DNAH17: variants seen among roughly 807,000 people sequenced by gnomAD.
DNAH17 encodes axonemal beta dynein heavy chain 17.
A neutral mutation model predicts 485.6 loss-of-function variants in DNAH17; 376 were observed. That is an observed-to-expected ratio of 0.77 (90% CI 0.71 to 0.84). The LOEUF is 0.84. DNAH17 is among the 40% of genes least tolerant of loss of function. DNAH17 has a pLI of 0.00. For synonymous variants in DNAH17, 3,031 were observed against 2,405.9 expected (o/e 1.26, Z -7.60); for missense variants, 6,370 against 5,839.3 (o/e 1.09, Z -2.96).
chr17:78,453,480 C>T lies in DNAH17; in HGVS notation c.10407-15G>A, dbSNP rs374456851. On this transcript the variant is annotated splice_polypyrimidine_tract_variant and intron_variant, in intron 64 of 80. Coordinates refer to ENST00000389840, the MANE Select transcript of DNAH17 (RefSeq NM_173628.4). ...CATCCAGGTAGCTGCGGGCACAACA[C>T]GGAAGCTGGTTCATGGCAGAGGGCC... is the stretch of plus-strand genomic sequence containing the variant. 2.4e-5 allele frequency: 39 copies of T among 1,613,536 alleles called. No individual in the cohort carries two copies. The highest frequency in any genetic ancestry group is 1.5e-4 in the African/African-American group (11 of 75,052).
At chr17:78,465,825 CCCGGCCAGCCGCCCCGT>C (rs906725790) in intron 56 of DNAH17, among the ~76,000 whole-genome samples, 1 of 148,790 alleles carries the variant, frequency 6.7e-6, no homozygotes, top group African/African-American at 2.5e-5. Context: ...CAGCCCCCCG[CCCGGCCAGCCGCCCCGT>C]CCGGGAGGTG....
Position 78,512,622 on chromosome 17 carries a change from G to A in DNAH17, c.4114-2116C>T, listed in dbSNP as rs143065440. ...AATAAATTTGCCAAGGAGTCCCACCGCCCCCTCTACCAAGAATGATAGAAG... is the reference window on the plus strand; with the variant it reads ...AATAAATTTGCCAAGGAGTCCCACCACCCCCTCTACCAAGAATGATAGAAG... On this transcript the variant is annotated intron_variant, in intron 26 of 80. Coordinates refer to ENST00000389840, the MANE Select transcript of DNAH17 (RefSeq NM_173628.4). 7.6e-4 allele frequency among the ~76,000 whole-genome samples: 115 copies of A among 152,086 alleles called. 3 individuals are homozygous for A. The East Asian group carries it at 0.018, about 24-fold the overall frequency.
chr17:78,479,538 G>C lies in DNAH17; in HGVS notation c.7847C>G (p.Ser2616Trp). The C allele has an allele frequency of 6.2e-7, 1 of 1,613,606 alleles. No homozygotes were observed. ...TATCCTCTGGATAGCCATGGAGACC[G>C]AGCGGAAGGCCAGGTGCTGCGTCAG... ...TILTQHLAFR[S>W]VSMAIQRISS... is the part of the protein sequence containing the mutation. Residue 2616 changes from serine (S) to tryptophan (W), a missense_variant, in exon 50 of 81, where the codon TCG (serine) becomes TGG (tryptophan). Physicochemically the swap from Ser to Trp is radical, Grantham distance 177. Coordinates refer to ENST00000389840, the MANE Select transcript of DNAH17 (RefSeq NM_173628.4).
At position 78,566,643 on chromosome 17, in the gene DNAH17, C is replaced by T; in HGVS notation, c.1540G>A (p.Asp514Asn). 2 of 1,609,960 alleles carry T rather than the reference C, an allele frequency of 1.2e-6. No individual in the cohort carries two copies. The highest frequency in any genetic ancestry group is 1.3e-5 in the African/African-American group (1 of 74,998). Reference protein sequence around the residue: ...LATIFCQGFDDCSCIKSSAKL... With the variant: ...LATIFCQGFDNCSCIKSSAKL... ...GCGGAGGACTTGATACAGCTGCAGT[C>T]ATCAAATCCTTGGCAAAAGATCGTG... Residue 514 changes from aspartate to asparagine, a missense_variant, in exon 11 of 81, where the codon GAC (aspartate) becomes AAC (asparagine). Asp to Asn is a conservative substitution (Grantham distance 23). Coordinates refer to ENST00000389840, the MANE Select transcript of DNAH17 (RefSeq NM_173628.4).
In DNAH17 at chr17:78,485,664, C is replaced by A; in HGVS notation, c.7369G>T (p.Ala2457Ser). The A allele has an allele frequency of 6.2e-7, 1 of 1,614,008 alleles. No homozygotes were observed. The highest frequency in any genetic ancestry group is 8.5e-7 in the Non-Finnish European group (1 of 1,179,886). The change falls in exon 47 of 81, where the codon GCG (alanine) becomes TCG (serine). Residue 2457 changes from alanine to serine, a missense_variant. By Grantham distance (99) the Ala-to-Ser change is moderately conservative. Coordinates refer to ENST00000389840, the MANE Select transcript of DNAH17 (RefSeq NM_173628.4). ...KSWPVMLVGN[A>S]GTGKSVLMGD... ...ATCAGCACCGACTTGCCCGTCCCCG[C>A]GTTCCCCACCAGCATCACCGGCCAG...
chr17:78,467,290 TC>T (rs1324253741), intron 55 of DNAH17, among the ~76,000 whole-genome samples: 1 of 152,212 alleles, frequency 6.6e-6, no homozygotes, highest in African/African-American at 2.4e-5. Flanking sequence ...GATAAGGACC[TC>T]CCTTGTAATG....
intron 19 of DNAH17, chr17:78,533,135 T>C (rs1312463611): frequency 5.0e-6 from 1 of 198,832 alleles, no homozygotes; most frequent in Non-Finnish European, 1.0e-5. Context: ...AGTGTGACGT[T>C]TGTCTGGGGA....
At chr17:78,540,183 G>A (rs73999110) in intron 17 of DNAH17, among the ~76,000 whole-genome samples, 3 of 146,576 alleles carry the variant, frequency 2.0e-5, no homozygotes, top group African/African-American at 5.1e-5. Context: ...TGCCTACCAT[G>A]GCTCAGAGGG....
rs144867055 is a variant in DNAH17, at chr17:78,491,981, G to A, written c.6542-411C>T. Among the ~76,000 whole-genome samples, 7 of 152,276 alleles carry A rather than the reference G, an allele frequency of 4.6e-5. No individual in the cohort carries two copies. The East Asian group carries it at 1.2e-3, about 25-fold the overall frequency. The stretch of plus-strand genomic sequence containing the variant: ...ATGGAATGGAGCAAGGTGGGGGCTG[G>A]GGGTACAGAGCTTGACTTCTAGTAG... On this transcript the variant is annotated intron_variant, in intron 42 of 80. Transcript: ENST00000389840.
At chr17:78,452,476 G>A (rs563008265) in intron 65 of DNAH17, among the ~76,000 whole-genome samples, 9 of 152,232 alleles carry the variant, frequency 5.9e-5, no homozygotes, top group East Asian at 1.9e-4. Context: ...GGTGGCTCCC[G>A]CCTGTAATCC....
At chr17:78,556,945 C>A (rs541342984) in intron 14 of DNAH17, among the ~76,000 whole-genome samples, 1 of 152,204 alleles carries the variant, frequency 6.6e-6, no homozygotes, top group Non-Finnish European at 1.5e-5. Context: ...CATTGCCCTC[C>A]GGTTCCCGAC....
intron 22 of DNAH17, among the ~76,000 whole-genome samples, chr17:78,529,071 G>A (rs1376022132): frequency 6.6e-6 from 1 of 151,430 alleles, no homozygotes; most frequent in African/African-American, 2.4e-5. Flanking sequence ...AGCCTCCTGA[G>A]TAGCTGAGAC....
At chr17:78,507,191 G>C (rs2090508426) in intron 29 of DNAH17, 87 bp downstream of exon 29, 1 of 1,486,458 alleles carries the variant, frequency 6.7e-7, no homozygotes, top group Non-Finnish European at 9.2e-7. Context: ...TGGCCAGCAG[G>C]CTGCACAAGA....
chr17:78,484,303 C>G (rs911409509), intron 48 of DNAH17, among the ~76,000 whole-genome samples: 1 of 151,920 alleles, frequency 6.6e-6, no homozygotes, highest in African/African-American at 2.4e-5. Context: ...ACCGGCCTTC[C>G]TGGGCTTCTT....
chr17:78,512,672 T>TGG (rs1378487168), intron 26 of DNAH17, among the ~76,000 whole-genome samples: 7 of 152,146 alleles, frequency 4.6e-5, no homozygotes, highest in Admixed American at 1.3e-4. Context: ...CCAGGTGCGG[T>TGG]GGCTCACACC....
intron 21 of DNAH17, 149 bp from the exon 22 acceptor site, chr17:78,529,843 C>T: frequency 1.4e-6 from 1 of 737,650 alleles, no homozygotes; most frequent in East Asian, 2.7e-5. Context: ...CCCTGCCCAC[C>T]TTGGATCCCT....
chr17:78,425,235 T>A, intron 80 of DNAH17, 111 bp downstream of exon 80: 2 of 1,094,736 alleles, frequency 1.8e-6, no homozygotes, highest in South Asian at 2.9e-5. Flanking sequence ...CTCTCCTGCC[T>A]GTCCCCACAG....
intron 56 of DNAH17, among the ~76,000 whole-genome samples, chr17:78,465,652 C>T (rs2088399107): frequency 6.7e-6 from 1 of 149,940 alleles, no homozygotes. Flanking sequence ...AGCGTCTCTG[C>T]CTGGCCGCCC....
intron 17 of DNAH17, among the ~76,000 whole-genome samples, 157 bp from the exon 18 acceptor site, chr17:78,540,037 C>T (rs1408278884): frequency 1.3e-5 from 2 of 152,116 alleles, no homozygotes; most frequent in Non-Finnish European, 2.9e-5. Flanking sequence ...CCTTCCTACT[C>T]GAGGCTTTGC....
Sources: allele counts gnomAD v4.1 joint callset (sites outside exome capture counted in the v4.1 genomes callset), GRCh38; gene constraint gnomAD v4.1.1; transcripts MANE v1.5; gene names NCBI Gene and HGNC (gene_info 2026-07-23, HGNC 2026-07-21).